Variants in DCC observed in about 807,000 individuals in gnomAD.
DCC encodes netrin receptor DCC.
In DCC, 58 loss-of-function variants were observed where a neutral mutation model predicts 172.5. The ratio of observed to expected loss-of-function variants is 0.34; its 90% CI spans 0.27 to 0.42. The LOEUF (loss-of-function observed/expected upper bound fraction) is 0.42, where lower values mean the gene tolerates loss of function less well. DCC is among the 10% of genes least tolerant of loss of function. The pLI is 1.00. For missense variants in DCC, 1,740 were observed against 1,791.0 expected (o/e 0.97, Z 0.51); for synonymous variants, 709 against 644.5 (o/e 1.10, Z -1.52).
At chr18:53,036,453 C>A (rs893588254) in intron 5 of DCC, among the ~76,000 whole-genome samples, 8 of 152,016 alleles carry the variant, frequency 5.3e-5, no homozygotes, top group East Asian at 1.9e-4. Flanking sequence ...CATTAATTCA[C>A]CTCTTGTTTA....
At chr18:52,482,102 C>A (rs1222939497) in intron 1 of DCC, among the ~76,000 whole-genome samples, 2 of 151,942 alleles carry the variant, frequency 1.3e-5, no homozygotes, top group Non-Finnish European at 1.5e-5. Flanking sequence ...ACTCACCCAC[C>A]CATATGCAAC....
rs537802551 is a variant in DCC at position 52,451,462 on chromosome 18, C to T, written c.91+110584C>T. ...ATAAAGAGCCTCACACGCCCGGTAG[C>T]CCCAGAAAGCCTCACTGTGTTAAAC... On this transcript the variant is annotated intron_variant, in intron 1 of 28. Coordinates refer to ENST00000442544, the MANE Select transcript of DCC (RefSeq NM_005215.4). 3.9e-5 allele frequency among the ~76,000 whole-genome samples: 6 copies of T among 152,200 alleles called. No homozygotes were observed. The South Asian group carries it at 1.0e-3, about 26-fold the overall frequency.
intron 1 of DCC, among the ~76,000 whole-genome samples, chr18:52,671,751 G>A (rs1003262702): frequency 6.6e-6 from 1 of 151,726 alleles, no homozygotes; most frequent in Non-Finnish European, 1.5e-5. Context: ...GGCCAGGCTG[G>A]TCTCGAACTC....
At chr18:53,398,763 C>A (rs2145028026) in intron 18 of DCC, among the ~76,000 whole-genome samples, 1 of 152,168 alleles carries the variant, frequency 6.6e-6, no homozygotes, top group Admixed American at 6.5e-5. Context: ...GTAGGGACAC[C>A]AGTGGTGAGA....
intron 1 of DCC, among the ~76,000 whole-genome samples, chr18:52,380,405 T>A (rs1352993622): frequency 6.6e-6 from 1 of 152,048 alleles, no homozygotes; most frequent in Non-Finnish European, 1.5e-5. Context: ...GAACCAAGTG[T>A]CTCTTTAGAT....
chr18:52,540,625 G>A (rs1341392249), intron 1 of DCC, among the ~76,000 whole-genome samples: 1 of 5,444 alleles, frequency 1.8e-4, no homozygotes, highest in Non-Finnish European at 4.3e-4. Flanking sequence ...TTTTTTTTTT[G>A]AGACTGAGTC....
intron 27 of DCC, among the ~76,000 whole-genome samples, chr18:53,522,581 A>C (rs1205234649): frequency 1.3e-5 from 2 of 152,168 alleles, no homozygotes; most frequent in East Asian, 3.9e-4. Context: ...ATATAAACCA[A>C]TGGAACAGAA....
At chr18:52,762,360 G>A (rs1265908241) in intron 2 of DCC, among the ~76,000 whole-genome samples, 1 of 151,998 alleles carries the variant, frequency 6.6e-6, no homozygotes, top group African/African-American at 2.4e-5. Flanking sequence ...TGTAGTCCCA[G>A]CTACTTGGGA....
intron 21 of DCC, among the ~76,000 whole-genome samples, chr18:53,418,183 C>T (rs932805503): frequency 1.3e-5 from 2 of 152,138 alleles, no homozygotes; most frequent in African/African-American, 4.8e-5. Context: ...CTAAATTTTA[C>T]ATCAAACTCA....
rs147762524 is a variant in DCC, at chr18:52,636,978, G to A, written c.92-115076G>A. 6.7e-3 allele frequency among the ~76,000 whole-genome samples: 1,022 copies of A among 152,240 alleles called. 13 individuals are homozygous for A. Among genetic ancestry groups the A allele is most frequent in the African/African-American group, 0.023 (960 of 41,532 alleles). ...TTCCATGGCTGAGAGACCCATAGAC[G>A]GTTCACATCACAGGACTCTGTGCAG... On this transcript the variant is annotated intron_variant, in intron 1 of 28. Coordinates refer to ENST00000442544, the MANE Select transcript of DCC (RefSeq NM_005215.4).
In DCC at chr18:52,798,078, A is replaced by G. The variant is rs78639032; in HGVS notation, c.412+45704A>G. Reference sequence around the variant, plus strand: ...TTGCTTGCACGAAGGTTGCTTGCACAAAGGCTACACATAGCAGCTTCTTCC... The same window carrying G: ...TTGCTTGCACGAAGGTTGCTTGCACGAAGGCTACACATAGCAGCTTCTTCC... On this transcript the variant is annotated intron_variant, in intron 2 of 28. Transcript: ENST00000442544. Among the ~76,000 whole-genome samples, 250 of 150,074 alleles carry G rather than the reference A, an allele frequency of 1.7e-3. 1 individual carries two copies. The highest frequency in any genetic ancestry group is 9.2e-3 in the South Asian group (44 of 4,796).
At chr18:53,172,237 A>G (rs1262223659) in intron 8 of DCC, among the ~76,000 whole-genome samples, 1 of 152,138 alleles carries the variant, frequency 6.6e-6, no homozygotes, top group Non-Finnish European at 1.5e-5. Context: ...ACCAAATACT[A>G]CATGTTCTCA....
At chr18:52,635,127 C>T (rs1598973488) in intron 1 of DCC, among the ~76,000 whole-genome samples, 1 of 152,200 alleles carries the variant, frequency 6.6e-6, no homozygotes, top group East Asian at 1.9e-4. Context: ...GGCACTCTTC[C>T]CTTTAGAAAC....
chr18:52,515,111 A>G (rs2031582531), intron 1 of DCC, among the ~76,000 whole-genome samples: 1 of 152,218 alleles, frequency 6.6e-6, no homozygotes, highest in Admixed American at 6.5e-5. Flanking sequence ...GAACAATGGA[A>G]CAGAATAGGA....
At chr18:53,437,760 T>C (rs886904256) in intron 22 of DCC, among the ~76,000 whole-genome samples, 6 of 152,114 alleles carry the variant, frequency 3.9e-5, no homozygotes, top group African/African-American at 1.4e-4. Flanking sequence ...TATCTTAAAT[T>C]TCAACAATAA....
intron 1 of DCC, among the ~76,000 whole-genome samples, chr18:52,475,070 A>G (rs904678430): frequency 6.6e-6 from 1 of 152,086 alleles, no homozygotes; most frequent in African/African-American, 2.4e-5. Context: ...TCAACTTCCT[A>G]CCCCCACATT....
chr18:53,145,036 C>T (rs544938456), intron 7 of DCC, among the ~76,000 whole-genome samples: 3 of 146,146 alleles, frequency 2.1e-5, no homozygotes, highest in Admixed American at 6.9e-5. Context: ...CATGTTGAAA[C>T]TTAATCCCCA....
intron 19 of DCC, among the ~76,000 whole-genome samples, chr18:53,406,584 A>G (rs1909664218): frequency 6.6e-6 from 1 of 151,874 alleles, no homozygotes; most frequent in African/African-American, 2.4e-5. Context: ...GATGCCTGTA[A>G]TCCCAGCTAC....
intron 11 of DCC, among the ~76,000 whole-genome samples, chr18:53,210,896 A>T (rs2055741029): frequency 6.6e-6 from 1 of 152,010 alleles, no homozygotes; most frequent in Non-Finnish European, 1.5e-5. Flanking sequence ...CTGAGTAGAA[A>T]CCTTATTTTT....
Sources: allele counts gnomAD v4.1 joint callset (sites outside exome capture counted in the v4.1 genomes callset), GRCh38; gene constraint gnomAD v4.1.1; transcripts MANE v1.5; gene names NCBI Gene and HGNC (gene_info 2026-07-23, HGNC 2026-07-21).